RASGRP1: variants seen among roughly 807,000 people sequenced by gnomAD.
The protein encoded by RASGRP1 is RAS guanyl releasing protein 1.
A neutral mutation model predicts 95.1 loss-of-function variants in RASGRP1; 37 were observed. That is an observed-to-expected ratio of 0.39 (90% confidence interval 0.30 to 0.51). The LOEUF (loss-of-function observed/expected upper bound fraction) is 0.51. Ranked by LOEUF, RASGRP1 falls within the 20% of genes least tolerant of loss-of-function variation. The pLI, the probability that RASGRP1 is intolerant of heterozygous loss-of-function variation, is 0.80. For missense variants in RASGRP1, 711 were observed against 965.4 expected (o/e 0.74, Z 3.49); for synonymous variants, 325 against 353.4 (o/e 0.92, Z 0.90).
intron 2 of RASGRP1, among the ~76,000 whole-genome samples, chr15:38,540,293 G>T (rs181806490): frequency 2.0e-5 from 3 of 152,282 alleles, no homozygotes; most frequent in Non-Finnish European, 4.4e-5. Context: ...TTTTCTGTCT[G>T]TTCCCTACAG....
chr15:38,511,746 CAG>C (rs1891526479), intron 7 of RASGRP1, 26 bp from the exon 8 acceptor site: 1 of 1,545,430 alleles, frequency 6.5e-7, no homozygotes. Flanking sequence ...CAGATGACAG[CAG>C]AGTCACTGTA....
At chr15:38,500,233 T>G in intron 13 of RASGRP1, 94 bp from the exon 14 acceptor site, 1 of 1,318,040 alleles carries the variant, frequency 7.6e-7, no homozygotes, top group Non-Finnish European at 1.1e-6. Flanking sequence ...CATTTTACTC[T>G]CTAGCTCAAG....
At chr15:38,536,448 CTTATCTATT>C (rs1365989806) in intron 2 of RASGRP1, among the ~76,000 whole-genome samples, 1 of 152,236 alleles carries the variant, frequency 6.6e-6, no homozygotes, top group African/African-American at 2.4e-5. Context: ...TCACGTCATT[CTTATCTATT>C]AAATTCTTGG....
intron 5 of RASGRP1, among the ~76,000 whole-genome samples, chr15:38,517,632 A>T (rs771046042): frequency 2.6e-5 from 4 of 152,154 alleles, no homozygotes; most frequent in Non-Finnish European, 5.9e-5. Context: ...GTTGGATGAA[A>T]TGATCTCTAG....
chr15:38,531,589 A>G (rs1283974169), intron 2 of RASGRP1, among the ~76,000 whole-genome samples: 1 of 152,002 alleles, frequency 6.6e-6, no homozygotes, highest in Non-Finnish European at 1.5e-5. Context: ...TTTACCTTGC[A>G]CTGCTTTTCC....
chr15:38,493,108 G>A (rs182453264), intron 16 of RASGRP1, among the ~76,000 whole-genome samples: 3 of 150,748 alleles, frequency 2.0e-5, no homozygotes, highest in Non-Finnish European at 2.9e-5. Context: ...TCTTGATCTC[G>A]TGACCTCGTG....
chr15:38,562,313 A>G (rs1487429802), intron 1 of RASGRP1, among the ~76,000 whole-genome samples: 2 of 152,242 alleles, frequency 1.3e-5, no homozygotes, highest in Admixed American at 1.3e-4. Context: ...AGAGCTGGAC[A>G]GACTCTTTAT....
chr15:38,516,316 T>A lies in RASGRP1; in HGVS notation c.556A>T (p.Arg186Trp). 6.2e-7 allele frequency: 1 copy of A among 1,610,556 alleles called. No homozygotes were observed. The highest frequency in any genetic ancestry group is 1.7e-4 in the Middle Eastern group (1 of 6,056). Residue 186 changes from arginine to tryptophan, a missense_variant, in exon 6 of 17, where the codon AGG (arginine) becomes TGG (tryptophan). Arg to Trp is a moderately radical substitution (Grantham distance 101). Around this residue, in one of 3 missense-constraint regions of RASGRP1, gnomAD observed 491 missense variants for 676.6 expected, o/e 0.73. Transcript: ENST00000310803. ...ARDWSRKLTQ[R>W]IKSNTSKKRK... ...TTCTTGCTGGTATTTGATTTTATCC[T>A]TTGAGTAAGTTTCCTGGACCAGTCA...
At chr15:38,503,656 T>C in intron 10 of RASGRP1, 1 of 429,140 alleles carries the variant, frequency 2.3e-6, no homozygotes, top group Non-Finnish European at 4.2e-6. Flanking sequence ...CCCTCTCCAT[T>C]AAACCCTTTG....
intron 2 of RASGRP1, among the ~76,000 whole-genome samples, chr15:38,542,842 T>TATATATGTGTATATATATATATAC (rs769590272): frequency 1.2e-4 from 14 of 115,304 alleles, no homozygotes; most frequent in Admixed American, 2.5e-4. Flanking sequence ...TGTGTATATA[T>TATATATGTGTATATATATATATAC]ATATATGTGT....
intron 14 of RASGRP1, 127 bp downstream of exon 14, chr15:38,499,976 A>T (rs1890948963): frequency 1.1e-6 from 1 of 881,364 alleles, no homozygotes; most frequent in Non-Finnish European, 1.8e-6. Flanking sequence ...AGGCCTCACC[A>T]GCCCTGTGGA....
At chr15:38,494,226 T>C (rs1890706567) in intron 16 of RASGRP1, 156 bp downstream of exon 16, 1 of 968,578 alleles carries the variant, frequency 1.0e-6, no homozygotes, top group African/African-American at 1.6e-5. Context: ...CCTCTCTTCC[T>C]CCCTGTTTCT....
chr15:38,513,367 T>A lies in RASGRP1; in HGVS notation c.676-411A>T, dbSNP rs115088209. Among the ~76,000 whole-genome samples, 1,203 of 152,318 alleles carry A rather than the reference T, an allele frequency of 7.9e-3. 15 individuals carry two copies. The highest frequency in any genetic ancestry group is 0.028 in the African/African-American group (1,165 of 41,572). On this transcript the variant is annotated intron_variant, in intron 6 of 16. Transcript: ENST00000310803. Reference sequence around the variant, plus strand: ...AAACAAATCTCTCTCTCCCCAGCTGTTTTCTTACCTTAAAAATGTGATCAT... The same window carrying A: ...AAACAAATCTCTCTCTCCCCAGCTGATTTCTTACCTTAAAAATGTGATCAT...
At chr15:38,542,899 A>ATATATACACATATATGTG (rs1892955628) in intron 2 of RASGRP1, among the ~76,000 whole-genome samples, 2 of 144,874 alleles carry the variant, frequency 1.4e-5, no homozygotes, top group East Asian at 4.1e-4. Flanking sequence ...ATATGTGTAT[A>ATATATACACATATATGTG]TATATACACA....
At chr15:38,530,363 T>C (rs1343419898) in intron 2 of RASGRP1, among the ~76,000 whole-genome samples, 2 of 152,174 alleles carry the variant, frequency 1.3e-5, no homozygotes, top group African/African-American at 2.4e-5. Flanking sequence ...CTACTGAATA[T>C]AAAGTCAAAG....
chr15:38,558,776 C>A (rs997918670), intron 2 of RASGRP1, among the ~76,000 whole-genome samples: 9 of 152,210 alleles, frequency 5.9e-5, no homozygotes, highest in Non-Finnish European at 1.2e-4. Context: ...AAATGAATAT[C>A]CCTAACATGT....
chr15:38,510,233 C>T lies in RASGRP1; in HGVS notation c.966+1371G>A, dbSNP rs578196435. 3.3e-5 allele frequency among the ~76,000 whole-genome samples: 5 copies of T among 152,324 alleles called. No homozygotes were observed. In the South Asian group the frequency reaches 1.0e-3, roughly 32 times the overall value. Reference sequence around the variant, plus strand: ...CAAGCTGAAGAGGAGCAAGCTCTCTCTTATAAGCTAAATGACATGAAGGCT... The same window carrying T: ...CAAGCTGAAGAGGAGCAAGCTCTCTTTTATAAGCTAAATGACATGAAGGCT... On this transcript the variant is annotated intron_variant, in intron 8 of 16. Transcript: ENST00000310803.
intron 2 of RASGRP1, among the ~76,000 whole-genome samples, chr15:38,534,021 AG>A (rs1892543217): frequency 1.3e-5 from 2 of 152,194 alleles, no homozygotes; most frequent in South Asian, 4.1e-4. Flanking sequence ...CCTCCTCAAG[AG>A]GGCTGGTGCT....
rs114692722 is a variant in RASGRP1 at position 38,505,420 on chromosome 15, G to A, written c.1323+420C>T. ...CAGAAATTTAGCTTCTGATTAGTAC[G>A]CATATTACTCTCATTATCATCAATG... On this transcript the variant is annotated intron_variant, in intron 10 of 16. Transcript: ENST00000310803. Among the ~76,000 whole-genome samples, 355 of 152,168 alleles carry A rather than the reference G, an allele frequency of 2.3e-3. 1 individual carries two copies. The highest frequency in any genetic ancestry group is 8.2e-3 in the African/African-American group (341 of 41,510).
Sources: allele counts gnomAD v4.1 joint callset (sites outside exome capture counted in the v4.1 genomes callset), GRCh38; gene constraint gnomAD v4.1.1; regional missense constraint gnomAD v4.1.1; transcripts MANE v1.5; gene names NCBI Gene and HGNC (gene_info 2026-07-23, HGNC 2026-07-21).